MAGI2: variants seen among roughly 807,000 people sequenced by gnomAD.
MAGI2 encodes the protein membrane associated guanylate kinase, WW and PDZ domain containing 2.
In MAGI2, 35 loss-of-function variants were observed where a neutral mutation model predicts 133.3. The observed-to-expected ratio is 0.26, with a 90% confidence interval of 0.20 to 0.35. MAGI2 has a LOEUF of 0.35. MAGI2 is among the 10% of genes least tolerant of loss of function. The pLI, the probability that MAGI2 is intolerant of heterozygous loss-of-function variation, is 1.00. For missense variants in MAGI2, 1,636 were observed against 1,863.4 expected, an observed-to-expected ratio of 0.88 and a Z score of 2.25; for synonymous variants, 729 against 710.6, an observed-to-expected ratio of 1.03 and a Z score of -0.41.
chr7:78,325,650 C>T (rs959471931), intron 9 of MAGI2, among the ~76,000 whole-genome samples: 4 of 152,112 alleles, frequency 2.6e-5, no homozygotes, highest in African/African-American at 4.8e-5. Flanking sequence ...GGTAGATGAC[C>T]AGGATACAGC....
intron 1 of MAGI2, among the ~76,000 whole-genome samples, chr7:79,199,571 T>C (rs1052331726): frequency 2.0e-5 from 3 of 152,044 alleles, no homozygotes; most frequent in Non-Finnish European, 4.4e-5. Context: ...TTTCTTAACC[T>C]ACGTGCAAAA....
At chr7:78,882,808 C>T (rs117915397) in intron 2 of MAGI2, among the ~76,000 whole-genome samples, 3,183 of 152,154 alleles carry the variant, frequency 0.021, 46 homozygotes, top group Non-Finnish European at 0.034. Flanking sequence ...AACCCAACAT[C>T]CCTTCATGAT....
At chr7:78,551,901 C>T (rs955935732) in intron 3 of MAGI2, among the ~76,000 whole-genome samples, 27 of 152,110 alleles carry the variant, frequency 1.8e-4, no homozygotes, top group African/African-American at 5.1e-4. Context: ...TGCGCCACCA[C>T]GCCCAGCTAA....
At chr7:78,447,139 C>T (rs1292561582) in intron 6 of MAGI2, among the ~76,000 whole-genome samples, 1 of 152,038 alleles carries the variant, frequency 6.6e-6, no homozygotes. Flanking sequence ...TGTTATCCAT[C>T]AGAAGTGCAG....
intron 1 of MAGI2, among the ~76,000 whole-genome samples, chr7:79,415,952 A>G (rs1846476935): frequency 6.6e-6 from 1 of 152,264 alleles, no homozygotes; most frequent in African/African-American, 2.4e-5. Context: ...TAGTAAGAAA[A>G]TAAATTGTAT....
At chr7:78,373,499 T>C (rs1794133412) in intron 6 of MAGI2, among the ~76,000 whole-genome samples, 1 of 152,124 alleles carries the variant, frequency 6.6e-6, no homozygotes, top group African/African-American at 2.4e-5. Context: ...TTTTTAGAAG[T>C]CTAAAATAGC....
chr7:79,017,312 G>A lies in MAGI2; in HGVS notation c.302-10106C>T, dbSNP rs147867902. ...CCCTAGAGTTAGAGCACACAGTTCA[G>A]GAGTTATGACCTGAGCCCTGGCCCC... On this transcript the variant is annotated intron_variant, in intron 1 of 21. Coordinates refer to ENST00000354212, the MANE Select transcript of MAGI2 (RefSeq NM_012301.4). Among the ~76,000 whole-genome samples the A allele has an allele frequency of 3.9e-5, 6 of 152,280 alleles. No individual in the cohort carries two copies. The East Asian group carries it at 1.2e-3, about 29-fold the overall frequency.
intron 2 of MAGI2, among the ~76,000 whole-genome samples, chr7:78,809,851 A>T (rs1342656306): frequency 6.6e-6 from 1 of 152,224 alleles, no homozygotes; most frequent in East Asian, 1.9e-4. Flanking sequence ...TGTCAGAAAT[A>T]TGATTTTCAA....
At chr7:78,371,595 G>T (rs1043592461) in intron 6 of MAGI2, among the ~76,000 whole-genome samples, 9 of 151,900 alleles carry the variant, frequency 5.9e-5, no homozygotes, top group African/African-American at 1.9e-4. Context: ...CTAGTTCTAA[G>T]CAATATATCC....
At chr7:78,074,356 T>C (rs1220509355) in intron 21 of MAGI2, among the ~76,000 whole-genome samples, 2 of 152,170 alleles carry the variant, frequency 1.3e-5, no homozygotes, top group African/African-American at 2.4e-5. Flanking sequence ...GAGTGAGAAA[T>C]TTTATTTCTC....
At chr7:78,404,612 C>T (rs906642200) in intron 6 of MAGI2, among the ~76,000 whole-genome samples, 1 of 152,026 alleles carries the variant, frequency 6.6e-6, no homozygotes, top group Non-Finnish European at 1.5e-5. Flanking sequence ...AACTGGCTAG[C>T]CATATATAGA....
At position 78,160,203 on chromosome 7, in the gene MAGI2, G is replaced by C. The variant is rs768527085; in HGVS notation, c.2667C>G (p.Asp889Glu). 1.2e-6 allele frequency: 2 copies of C among 1,612,508 alleles called. No individual in the cohort carries two copies. The highest frequency in any genetic ancestry group is 1.7e-6 in the Non-Finnish European group (2 of 1,179,242). Residue 889 changes from aspartate (D) to glutamate (E), a missense_variant, in exon 16 of 22, where the codon GAC becomes GAG. Around this residue, in one of 5 missense-constraint regions of MAGI2, gnomAD observed 920 missense variants for 1,093.5 expected, o/e 0.84. Transcript: ENST00000354212. ...GGTTGCTGTTGGTGTAGGTTGCGTA[G>C]TCACTGCGTGGAGAGCTGTGGTGGG... ...VSTHHSSPRS[D>E]YATYTNSNHA...
At chr7:79,256,486 C>CTTTTTT (rs11303181) in intron 1 of MAGI2, among the ~76,000 whole-genome samples, 13 of 82,774 alleles carry the variant, frequency 1.6e-4, no homozygotes, top group South Asian at 4.8e-4. Flanking sequence ...CTCTCTCTCT[C>CTTTTTT]TTTTTTTTTT....
At chr7:79,348,140 GTGAACAA>G (rs1841452555) in intron 1 of MAGI2, among the ~76,000 whole-genome samples, 2 of 151,808 alleles carry the variant, frequency 1.3e-5, no homozygotes. Flanking sequence ...TTTATAATCT[GTGAACAA>G]TGCCTACTTA....
At chr7:78,760,207 AT>A (rs937907768) in intron 2 of MAGI2, among the ~76,000 whole-genome samples, 35 of 152,090 alleles carry the variant, frequency 2.3e-4, no homozygotes, top group Admixed American at 1.3e-3. Context: ...TATAACCTGT[AT>A]TTTTTTCATT....
rs748253609 is a variant in MAGI2, at chr7:79,271,180, T to A, written c.301+181840A>T. Among the ~76,000 whole-genome samples the A allele has an allele frequency of 1.4e-4, 22 of 152,254 alleles. 1 individual carries two copies. The Middle Eastern group carries it at 0.01, about 71-fold the overall frequency. On this transcript the variant is annotated intron_variant, in intron 1 of 21. Transcript: ENST00000354212. ...TGAAGCTAGCCTTCATGGATTTCCATCTTCTCTGAACTCCGGGACAGCACA... is the reference window on the plus strand; with the variant it reads ...TGAAGCTAGCCTTCATGGATTTCCAACTTCTCTGAACTCCGGGACAGCACA...
intron 2 of MAGI2, among the ~76,000 whole-genome samples, chr7:78,923,370 A>G (rs1041115912): frequency 2.0e-5 from 3 of 152,162 alleles, no homozygotes; most frequent in Non-Finnish European, 2.9e-5. Context: ...TAATTTTTGT[A>G]TAAGGTGTAA....
At chr7:79,184,305 C>G (rs766130913) in intron 1 of MAGI2, among the ~76,000 whole-genome samples, 2 of 151,312 alleles carry the variant, frequency 1.3e-5, no homozygotes, top group African/African-American at 2.4e-5. Context: ...ATACTATACC[C>G]AATGTGTAGT....
At chr7:78,852,706 T>A (rs1400464765) in intron 2 of MAGI2, among the ~76,000 whole-genome samples, 1 of 152,136 alleles carries the variant, frequency 6.6e-6, no homozygotes, top group Non-Finnish European at 1.5e-5. Flanking sequence ...TTTTCCAATT[T>A]GTACTATTGG....
Sources: gnomAD v4.1 joint callset for allele counts (sites outside exome capture counted in the v4.1 genomes callset) on GRCh38, gnomAD v4.1.1 for gene constraint, gnomAD v4.1.1 regional missense constraint, MANE v1.5 for transcripts, NCBI Gene and HGNC (gene_info 2026-07-23, HGNC 2026-07-21) for gene names.